ACBD6: variants seen among roughly 807,000 people sequenced by gnomAD.
ACBD6 encodes the protein acyl-CoA binding domain containing 6, also known as acyl-CoA-binding domain-containing protein 6.
In ACBD6, 28 loss-of-function variants were observed where a neutral mutation model predicts 37.2. That is an observed-to-expected ratio of 0.75 (90% CI 0.56 to 1.03). The LOEUF (loss-of-function observed/expected upper bound fraction) is 1.03. Among genes scored for constraint, ACBD6 ranks in the 50% least tolerant of loss-of-function variants. The probability of loss-of-function intolerance (pLI) is 0.00; values close to 1 mark genes in which losing one functional copy is unlikely to be tolerated. For synonymous variants in ACBD6, 113 were observed against 126.8 expected (o/e 0.89, Z 0.73); for missense variants, 340 against 337.4 (o/e 1.01, Z -0.06).
At chr1:180,364,341 T>C (rs1356750176) in intron 6 of ACBD6, among the ~76,000 whole-genome samples, 1 of 152,228 alleles carries the variant, frequency 6.6e-6, no homozygotes, top group Non-Finnish European at 1.5e-5. Flanking sequence ...TTATATAATG[T>C]ACATTTTTAG....
rs369743276 is a variant in ACBD6, at chr1:180,397,538, T to A, written c.641A>T (p.His214Leu). The A allele has an allele frequency of 1.1e-5, 18 of 1,614,036 alleles. No homozygotes were observed. The highest frequency in any genetic ancestry group is 1.4e-5 in the Non-Finnish European group (17 of 1,179,902). The change falls in exon 6 of 8, where the codon CAT becomes CTT. Residue 214 changes from histidine (H) to leucine (L), a missense_variant. His to Leu is a moderately conservative substitution (Grantham distance 99). Transcript: ENST00000367595. Reference sequence around the variant, plus strand: ...TACCTGACAGTTAATGTCAGCTCTATGTTGCAGCAACACTGTGACTAGTTC... The same window carrying A: ...TACCTGACAGTTAATGTCAGCTCTAAGTTGCAGCAACACTGTGACTAGTTC... ...HKELVTVLLQ[H>L]RADINCQDNE...
intron 11 of ACBD6, chr1:180,273,514 G>A (rs1648818358): frequency 6.5e-6 from 1 of 152,694 alleles, no homozygotes; most frequent in African/African-American, 2.4e-5. Flanking sequence ...GCTCACCTCT[G>A]TTGGAGAGAG....
At chr1:180,287,950 A>G (rs1156679369), downstream of ACBD6, among the ~76,000 whole-genome samples, 1 of 152,222 alleles carries the variant, frequency 6.6e-6, no homozygotes, top group Admixed American at 6.5e-5. Flanking sequence ...GACCATGTGT[A>G]CAAAATGCTA....
intron 3 of ACBD6, among the ~76,000 whole-genome samples, chr1:180,433,101 C>T (rs922255488): frequency 2.0e-5 from 3 of 152,094 alleles, no homozygotes; most frequent in Admixed American, 2.0e-4. Context: ...TGCAAGAAAA[C>T]TAAAACCAAT....
chr1:180,489,036 G>A (rs1651386375), intron 3 of ACBD6, among the ~76,000 whole-genome samples: 1 of 152,112 alleles, frequency 6.6e-6, no homozygotes, highest in Non-Finnish European at 1.5e-5. Context: ...CAGGCCAGGT[G>A]CAGTGGCTCA....
chr1:180,458,693 G>T (rs1650014758), intron 3 of ACBD6, among the ~76,000 whole-genome samples: 1 of 152,098 alleles, frequency 6.6e-6, no homozygotes. Flanking sequence ...CCATAGTTGA[G>T]GGGCAATGAA....
intron 2 of ACBD6, 139 bp from the exon 3 acceptor site, chr1:180,492,504 G>A: frequency 1.4e-6 from 1 of 723,956 alleles, no homozygotes; most frequent in Non-Finnish European, 2.4e-6. Context: ...GAGAAGCTCT[G>A]TCTTTTTGCA....
chr1:180,471,291 C>T (rs1650554819), intron 3 of ACBD6, among the ~76,000 whole-genome samples: 2 of 151,674 alleles, frequency 1.3e-5, no homozygotes, highest in Non-Finnish European at 2.9e-5. Context: ...GTACCAGCTA[C>T]TCGAGAAGCT....
chr1:180,501,372 T>G (rs1651964168), intron 1 of ACBD6, among the ~76,000 whole-genome samples: 1 of 151,890 alleles, frequency 6.6e-6, no homozygotes, highest in Non-Finnish European at 1.5e-5. Context: ...TGAGGTGGAG[T>G]TTCTTCGCTC....
At chr1:180,287,314 G>A (rs1479185431), downstream of ACBD6, 1 of 151,684 alleles carries the variant, frequency 6.6e-6, no homozygotes, top group Non-Finnish European at 1.5e-5. Flanking sequence ...GGAGGCTGAG[G>A]TGGGAGGATT....
intron 7 of ACBD6, among the ~76,000 whole-genome samples, chr1:180,311,238 C>G (rs1650579371): frequency 6.6e-6 from 1 of 152,056 alleles, no homozygotes; most frequent in Admixed American, 6.6e-5. Context: ...CTGCATCGCT[C>G]TGATGGGACT....
At chr1:180,440,372 G>T (rs1163857379) in intron 3 of ACBD6, among the ~76,000 whole-genome samples, 1 of 152,182 alleles carries the variant, frequency 6.6e-6, no homozygotes, top group Non-Finnish European at 1.5e-5. Flanking sequence ...GCCTCCCAAA[G>T]TATTGGGATT....
At chr1:180,430,380 C>G in intron 3 of ACBD6, 118 bp from the exon 4 acceptor site, 1 of 836,496 alleles carries the variant, frequency 1.2e-6, no homozygotes, top group Non-Finnish European at 2.0e-6. Flanking sequence ...CCTCAACCAT[C>G]TCTTCAAACC....
At chr1:180,374,307 T>A (rs2101918735) in intron 6 of ACBD6, among the ~76,000 whole-genome samples, 1 of 152,310 alleles carries the variant, frequency 6.6e-6, no homozygotes, top group South Asian at 2.1e-4. Context: ...ATGTAAAACT[T>A]TCACTCATTT....
intron 3 of ACBD6, among the ~76,000 whole-genome samples, chr1:180,450,230 G>A (rs866645792): frequency 1.3e-5 from 2 of 152,154 alleles, no homozygotes; most frequent in African/African-American, 2.4e-5. Context: ...ATCAGTGCAA[G>A]TATAGTGTTC....
intron 3 of ACBD6, among the ~76,000 whole-genome samples, chr1:180,462,450 A>G (rs947760298): frequency 6.6e-6 from 1 of 152,140 alleles, no homozygotes; most frequent in African/African-American, 2.4e-5. Flanking sequence ...TAAGTTTCCA[A>G]CAGACTTTAA....
chr1:180,274,324 C>T (rs1188534526), intron 10 of ACBD6: 4 of 1,614,182 alleles, frequency 2.5e-6, no homozygotes, highest in Middle Eastern at 3.3e-4. Context: ...GGGATGGGAG[C>T]CCCTATGGAA....
At chr1:180,460,469 G>A (rs1472504387) in intron 3 of ACBD6, among the ~76,000 whole-genome samples, 2 of 152,088 alleles carry the variant, frequency 1.3e-5, no homozygotes, top group Non-Finnish European at 2.9e-5. Context: ...GTTCCTCCTG[G>A]CTGGGCGAGA....
chr1:180,347,734 G>A, intron 6 of ACBD6, among the ~76,000 whole-genome samples: 1 of 152,132 alleles, frequency 6.6e-6, no homozygotes, highest in East Asian at 1.9e-4. Context: ...CAGTTTGGGA[G>A]GCTGAGGCGG....
Sources: allele counts gnomAD v4.1 joint callset (sites outside exome capture counted in the v4.1 genomes callset), GRCh38; gene constraint gnomAD v4.1.1; transcripts MANE v1.5; gene names NCBI Gene and HGNC (gene_info 2026-07-23, HGNC 2026-07-21).